The following VWA8 variants were observed in gnomAD, a reference collection of about 807,000 sequenced individuals.
VWA8 encodes the protein von Willebrand factor A domain-containing protein 8.
A neutral mutation model predicts 241.5 loss-of-function variants in VWA8; 221 were observed. The observed-to-expected ratio is 0.91, with a 90% CI of 0.82 to 1.02. VWA8 has a LOEUF of 1.02. Ranked by LOEUF, VWA8 falls within the 50% of genes least tolerant of loss-of-function variation. The pLI, the probability that VWA8 is intolerant of heterozygous loss-of-function variation, is 0.00. For missense variants in VWA8, 2,322 were observed against 2,328.7 expected, an observed-to-expected ratio of 1.00 and a Z score of 0.06; for synonymous variants, 852 against 827.1, an observed-to-expected ratio of 1.03 and a Z score of -0.52.
chr13:41,591,868 G>A (rs1300138017), intron 40 of VWA8, among the ~76,000 whole-genome samples: 8 of 143,858 alleles, frequency 5.6e-5, no homozygotes, highest in Non-Finnish European at 1.1e-4. Flanking sequence ...ACTGTTGGTG[G>A]GACTGTAAAC....
intron 35 of VWA8, among the ~76,000 whole-genome samples, chr13:41,683,646 TG>T (rs201649872): frequency 0.015 from 2,219 of 152,246 alleles, 28 homozygotes; most frequent in Middle Eastern, 0.024. Context: ...CCCTGTCTGA[TG>T]TGTGTAAAAG....
intron 26 of VWA8, among the ~76,000 whole-genome samples, chr13:41,717,357 A>G (rs894198868): frequency 3.3e-5 from 5 of 151,946 alleles, no homozygotes; most frequent in Admixed American, 6.6e-5. Context: ...TATGCTATGT[A>G]TAAGAAAAGG....
chr13:41,822,475 AC>A (rs1871002178), intron 14 of VWA8, among the ~76,000 whole-genome samples: 1 of 152,138 alleles, frequency 6.6e-6, no homozygotes, highest in Admixed American at 6.6e-5. Flanking sequence ...TCTTTTTATC[AC>A]CCAGGGTCTA....
At chr13:41,753,298 A>G (rs2045669729) in intron 21 of VWA8, among the ~76,000 whole-genome samples, 2 of 151,796 alleles carry the variant, frequency 1.3e-5, no homozygotes, top group Non-Finnish European at 2.9e-5. Flanking sequence ...ATAGCAAATG[A>G]AAAAAAACTC....
intron 41 of VWA8, among the ~76,000 whole-genome samples, chr13:41,588,161 A>G (rs1424388968): frequency 1.3e-5 from 2 of 152,200 alleles, no homozygotes; most frequent in African/African-American, 2.4e-5. Context: ...GATTCCTAAA[A>G]CAAAGTTATG....
At chr13:41,914,927 C>A (rs1391609588) in intron 2 of VWA8, among the ~76,000 whole-genome samples, 1 of 152,132 alleles carries the variant, frequency 6.6e-6, no homozygotes, top group Non-Finnish European at 1.5e-5. Flanking sequence ...CAATTTAGTT[C>A]TATACTTCCA....
intron 3 of VWA8, among the ~76,000 whole-genome samples, chr13:41,909,306 C>T (rs1875882717): frequency 1.3e-5 from 2 of 152,188 alleles, no homozygotes; most frequent in Admixed American, 1.3e-4. Flanking sequence ...GTGATCTGCC[C>T]ACCTGGGCCT....
intron 17 of VWA8, among the ~76,000 whole-genome samples, chr13:41,806,833 G>A (rs926686882): frequency 1.3e-5 from 2 of 150,584 alleles, no homozygotes; most frequent in African/African-American, 2.4e-5. Context: ...AGCTGAGGTC[G>A]TGCCACTGCA....
At chr13:41,872,568 T>A (rs1873683223) in intron 9 of VWA8, among the ~76,000 whole-genome samples, 1 of 152,214 alleles carries the variant, frequency 6.6e-6, no homozygotes, top group South Asian at 2.1e-4. Flanking sequence ...TAGGGAATCC[T>A]TTCCCCATTG....
At chr13:41,589,464 G>A (rs1221444233) in intron 41 of VWA8, among the ~76,000 whole-genome samples, 1 of 152,042 alleles carries the variant, frequency 6.6e-6, no homozygotes, top group East Asian at 1.9e-4. Flanking sequence ...CCTGCTCTGT[G>A]TCCTGGGAGT....
At chr13:41,889,449 G>T (rs1287847907) in intron 5 of VWA8, among the ~76,000 whole-genome samples, 3 of 151,632 alleles carry the variant, frequency 2.0e-5, no homozygotes, top group Admixed American at 6.6e-5. Context: ...TGCAATCCTG[G>T]CTCACCACAA....
chr13:41,724,772 T>C (rs2045419291), intron 24 of VWA8, among the ~76,000 whole-genome samples: 1 of 152,206 alleles, frequency 6.6e-6, no homozygotes, highest in African/African-American at 2.4e-5. Flanking sequence ...TTCCCCTCCA[T>C]AAGCCCTTCT....
At chr13:41,592,892 T>C (rs777807256) in intron 40 of VWA8, among the ~76,000 whole-genome samples, 18 of 152,244 alleles carry the variant, frequency 1.2e-4, no homozygotes, top group Non-Finnish European at 1.8e-4. Flanking sequence ...TAGTAAGCTA[T>C]TGTAAAATTA....
intron 37 of VWA8, among the ~76,000 whole-genome samples, chr13:41,631,021 C>T (rs113214632): frequency 1.3e-5 from 2 of 151,984 alleles, no homozygotes; most frequent in African/African-American, 4.8e-5. Context: ...AGAGAGCCAT[C>T]TTCTTCTTTA....
intron 4 of VWA8, among the ~76,000 whole-genome samples, chr13:41,904,142 A>C (rs1420645762): frequency 6.6e-6 from 1 of 152,208 alleles, no homozygotes; most frequent in East Asian, 1.9e-4. Flanking sequence ...AGGACTGTAT[A>C]ACTTCAGAAA....
chr13:41,776,176 T>G (rs1868583396), intron 20 of VWA8, among the ~76,000 whole-genome samples: 1 of 152,236 alleles, frequency 6.6e-6, no homozygotes, highest in Non-Finnish European at 1.5e-5. Context: ...CTCTTCTCCA[T>G]GCTGGTCTGC....
chr13:41,720,066 A>T (rs1418552372), intron 25 of VWA8, among the ~76,000 whole-genome samples: 1 of 152,148 alleles, frequency 6.6e-6, no homozygotes, highest in African/African-American at 2.4e-5. Context: ...TGAGTACCAG[A>T]TCGAACAGTT....
At chr13:41,898,500 G>T (rs550207419) in intron 4 of VWA8, among the ~76,000 whole-genome samples, 1 of 152,240 alleles carries the variant, frequency 6.6e-6, no homozygotes, top group African/African-American at 2.4e-5. Context: ...CCAGACTCAG[G>T]AGCCCAGCTG....
chr13:41,762,194 C>A (rs919062490), intron 20 of VWA8, among the ~76,000 whole-genome samples: 2 of 152,048 alleles, frequency 1.3e-5, no homozygotes, highest in Admixed American at 6.6e-5. Flanking sequence ...CACAAATATT[C>A]TAAAATGTGA....
Sources: allele counts gnomAD v4.1 joint callset (sites outside exome capture counted in the v4.1 genomes callset), GRCh38; gene constraint gnomAD v4.1.1; transcripts MANE v1.5; gene names NCBI Gene and HGNC (gene_info 2026-07-23, HGNC 2026-07-21).